The following THRB variants were observed in gnomAD, a reference collection of about 807,000 sequenced individuals.
THRB encodes the protein thyroid hormone receptor beta, also known as nuclear receptor subfamily 1 group A member 2.
Under a neutral mutation model 47.8 loss-of-function variants are expected in THRB, and 12 were observed. The ratio of observed to expected loss-of-function variants is 0.25; its 90% CI spans 0.16 to 0.41. The LOEUF (loss-of-function observed/expected upper bound fraction) is 0.41, where lower values mean the gene tolerates loss of function less well. Ranked by LOEUF, THRB falls within the 10% of genes least tolerant of loss-of-function variation. THRB has a pLI of 1.00. For missense variants in THRB, 348 were observed against 589.2 expected, an observed-to-expected ratio of 0.59 and a Z score of 4.24; for synonymous variants, 218 against 212.2, an observed-to-expected ratio of 1.03 and a Z score of -0.24.
intron 5 of THRB, among the ~76,000 whole-genome samples, chr3:24,162,634 C>T (rs1393316839): frequency 4.8e-5 from 7 of 145,750 alleles, no homozygotes; most frequent in East Asian, 2.0e-4. Context: ...TTCCTTAGTT[C>T]GTGTTCTTAA....
chr3:24,190,632 G>T (rs1350061872), intron 4 of THRB, among the ~76,000 whole-genome samples: 1 of 152,108 alleles, frequency 6.6e-6, no homozygotes, highest in Admixed American at 6.5e-5. Context: ...CAATGGCCCA[G>T]GAGCAAGTTT....
intron 1 of THRB, among the ~76,000 whole-genome samples, chr3:24,411,673 G>C (rs955816879): frequency 6.6e-6 from 1 of 151,776 alleles, no homozygotes; most frequent in Non-Finnish European, 1.5e-5. Flanking sequence ...TGTCCCACAA[G>C]AGACATTTGG....
intron 3 of THRB, among the ~76,000 whole-genome samples, chr3:24,259,727 C>A (rs1202854734): frequency 1.3e-5 from 2 of 149,234 alleles, no homozygotes; most frequent in Non-Finnish European, 3.0e-5. Flanking sequence ...TATTGGAAAG[C>A]CCTCAGCATT....
intron 2 of THRB, among the ~76,000 whole-genome samples, chr3:24,307,559 T>C (rs371214291): frequency 1.3e-5 from 2 of 152,142 alleles, no homozygotes; most frequent in African/African-American, 4.8e-5. Context: ...ATTCTCCTAT[T>C]GAAAGATATT....
At chr3:24,173,125 A>G (rs374390297) in intron 5 of THRB, among the ~76,000 whole-genome samples, 45 of 152,280 alleles carry the variant, frequency 3.0e-4, no homozygotes, top group African/African-American at 7.7e-4. Flanking sequence ...CCCCAGACCA[A>G]CTGGATCGTA....
At chr3:24,493,260 G>C (rs1297467053) in intron 1 of THRB, among the ~76,000 whole-genome samples, 1 of 152,200 alleles carries the variant, frequency 6.6e-6, no homozygotes, top group Non-Finnish European at 1.5e-5. Context: ...TTGGGGAGCA[G>C]GTCAGTCACT....
intron 1 of THRB, among the ~76,000 whole-genome samples, chr3:24,439,219 G>A (rs1054218878): frequency 6.6e-6 from 1 of 152,084 alleles, no homozygotes; most frequent in Non-Finnish European, 1.5e-5. Context: ...ATTGTCAAGG[G>A]CAATCCTCCA....
At chr3:24,302,127 T>G (rs2056985160) in intron 2 of THRB, among the ~76,000 whole-genome samples, 1 of 152,242 alleles carries the variant, frequency 6.6e-6, no homozygotes, top group Admixed American at 6.5e-5. Context: ...TGCTGCTTAA[T>G]TTAAATTAAT....
At chr3:24,124,026 T>C (rs905947105) in intron 10 of THRB, among the ~76,000 whole-genome samples, 1 of 152,202 alleles carries the variant, frequency 6.6e-6, no homozygotes, top group African/African-American at 2.4e-5. Flanking sequence ...GATGAATTCC[T>C]CAAATAGCTC....
intron 4 of THRB, among the ~76,000 whole-genome samples, chr3:24,227,829 C>T (rs549099284): frequency 6.6e-6 from 1 of 152,240 alleles, no homozygotes; most frequent in South Asian, 2.1e-4. Context: ...CTATGAGGAC[C>T]TGCCCTGTTG....
At position 24,346,153 on chromosome 3, in the gene THRB, T is replaced by C. The variant is rs1279846006; in HGVS notation, c.-260-8782A>G. ...TTAAAACAATAATTGTTATATCTTGTGGGATTTAAAACATAACTAGAATTG... is the reference window on the plus strand; with the variant it reads ...TTAAAACAATAATTGTTATATCTTGCGGGATTTAAAACATAACTAGAATTG... On this transcript the variant is annotated intron_variant, in intron 1 of 10. Transcript: ENST00000646209. Among the ~76,000 whole-genome samples, 3 of 152,254 alleles carry C rather than the reference T, an allele frequency of 2.0e-5. 1 individual carries two copies. The highest frequency in any genetic ancestry group is 7.2e-5 in the African/African-American group (3 of 41,568).
Position 24,206,554 on chromosome 3 carries a change from G to T in THRB, c.23-16220C>A, listed in dbSNP as rs369713394. On this transcript the variant is annotated intron_variant, in intron 4 of 10. Transcript: ENST00000646209. ...AATGCCCACAAGAGAAAGCAGGAAAGATCTAAAATCGACACCCTAACATCA... is the reference window on the plus strand; with the variant it reads ...AATGCCCACAAGAGAAAGCAGGAAATATCTAAAATCGACACCCTAACATCA... Among the ~76,000 whole-genome samples the T allele has an allele frequency of 2.4e-4, 37 of 152,274 alleles. No homozygotes were observed. The South Asian group carries it at 7.3e-3, about 30-fold the overall frequency.
chr3:24,131,634 G>C (rs536332627), intron 9 of THRB, among the ~76,000 whole-genome samples: 1 of 152,310 alleles, frequency 6.6e-6, no homozygotes, highest in East Asian at 1.9e-4. Context: ...GGTCATGAGA[G>C]TGGGGCCCTA....
intron 4 of THRB, among the ~76,000 whole-genome samples, chr3:24,225,008 CAT>C (rs2047515235): frequency 6.6e-6 from 1 of 152,134 alleles, no homozygotes; most frequent in African/African-American, 2.4e-5. Flanking sequence ...ATCCATAACA[CAT>C]AAACAGGTTC....
In THRB at chr3:24,461,127, T is replaced by C. The variant is rs567210938; in HGVS notation, c.-261+33525A>G. Reference sequence around the variant, plus strand: ...AAAGGTCAAGAACCACTGCTAATAATGGAATATGAGTCACTAAGAAAAAAG... The same window carrying C: ...AAAGGTCAAGAACCACTGCTAATAACGGAATATGAGTCACTAAGAAAAAAG... On this transcript the variant is annotated intron_variant, in intron 1 of 10. Transcript: ENST00000646209. 3.9e-5 allele frequency among the ~76,000 whole-genome samples: 6 copies of C among 152,316 alleles called. No individual in the cohort carries two copies. In the South Asian group the frequency reaches 1.2e-3, roughly 32 times the overall value.
intron 6 of THRB, among the ~76,000 whole-genome samples, chr3:24,148,821 G>A (rs1264573880): frequency 6.6e-6 from 1 of 152,170 alleles, no homozygotes; most frequent in African/African-American, 2.4e-5. Flanking sequence ...AAAACATCAG[G>A]AATAACTGAG....
At chr3:24,345,597 A>C (rs754563249) in intron 1 of THRB, among the ~76,000 whole-genome samples, 3 of 152,160 alleles carry the variant, frequency 2.0e-5, no homozygotes, top group Non-Finnish European at 4.4e-5. Flanking sequence ...TAGTAAGTTC[A>C]ATATTAAAAA....
At chr3:24,487,152 TTGTGTG>T (rs57780481) in intron 1 of THRB, among the ~76,000 whole-genome samples, 1 of 150,978 alleles carries the variant, frequency 6.6e-6, no homozygotes, top group African/African-American at 2.4e-5. Context: ...TGCTAGGGGT[TTGTGTG>T]TGTGTGTGTG....
At chr3:24,242,026 T>A (rs1419644617) in intron 3 of THRB, among the ~76,000 whole-genome samples, 1 of 152,182 alleles carries the variant, frequency 6.6e-6, no homozygotes, top group East Asian at 1.9e-4. Context: ...ACATGAGTTA[T>A]TTCTTGAAGC....
Sources: allele counts gnomAD v4.1 joint callset (sites outside exome capture counted in the v4.1 genomes callset), GRCh38; gene constraint gnomAD v4.1.1; transcripts MANE v1.5; gene names NCBI Gene and HGNC (gene_info 2026-07-23, HGNC 2026-07-21).